KAT6B: variants seen among roughly 807,000 people sequenced by gnomAD.
KAT6B encodes the protein histone acetyltransferase KAT6B.
KAT6B carries 10 observed loss-of-function variants against 187.5 expected under a neutral mutation model. The ratio of observed to expected loss-of-function variants is 0.05; its 90% CI spans 0.03 to 0.09. The LOEUF (loss-of-function observed/expected upper bound fraction) is 0.09. Among genes scored for constraint, KAT6B ranks in the 10% least tolerant of loss-of-function variants. The pLI, the probability that KAT6B is intolerant of heterozygous loss-of-function variation, is 1.00. For missense variants in KAT6B, 1,952 were observed against 2,558.9 expected (o/e 0.76, Z 5.12); for synonymous variants, 861 against 926.8 (o/e 0.93, Z 1.29).
intron 3 of KAT6B, among the ~76,000 whole-genome samples, chr10:74,905,363 A>T (rs910499784): frequency 6.6e-6 from 1 of 152,160 alleles, no homozygotes; most frequent in East Asian, 1.9e-4. Context: ...TAATAAGTAG[A>T]AAGTGTTCTC....
intron 3 of KAT6B, among the ~76,000 whole-genome samples, chr10:74,944,909 A>G (rs1165537732): frequency 6.6e-6 from 1 of 152,046 alleles, no homozygotes; most frequent in Admixed American, 6.6e-5. Context: ...TGATAATACC[A>G]TACCAAGTGC....
intron 16 of KAT6B, among the ~76,000 whole-genome samples, chr10:75,023,053 A>G (rs1036808094): frequency 2.6e-5 from 4 of 152,232 alleles, no homozygotes; most frequent in African/African-American, 7.2e-5. Context: ...TTTGTGGCCA[A>G]CTGCGCATTA....
intron 13 of KAT6B, among the ~76,000 whole-genome samples, chr10:75,001,453 T>G (rs1476136405): frequency 6.6e-6 from 1 of 151,328 alleles, no homozygotes; most frequent in Non-Finnish European, 1.5e-5. Flanking sequence ...CCCAGGGGGG[T>G]ATCATGTCAG....
chr10:74,913,732 A>C (rs1014183269), intron 3 of KAT6B, among the ~76,000 whole-genome samples: 9 of 152,246 alleles, frequency 5.9e-5, no homozygotes, highest in African/African-American at 2.2e-4. Flanking sequence ...CCCACGGTCC[A>C]CTAACAGATA....
chr10:74,954,956 T>G (rs916061856), intron 3 of KAT6B, among the ~76,000 whole-genome samples: 1 of 152,170 alleles, frequency 6.6e-6, no homozygotes, highest in Non-Finnish European at 1.5e-5. Context: ...AGACCTTGAT[T>G]TATAAATGTT....
At chr10:74,985,559 G>T (rs142990956) in intron 12 of KAT6B, among the ~76,000 whole-genome samples, 1 of 152,284 alleles carries the variant, frequency 6.6e-6, no homozygotes, top group East Asian at 1.9e-4. Context: ...CAACATGAAG[G>T]TTTCAGTTTA....
intron 3 of KAT6B, among the ~76,000 whole-genome samples, chr10:74,878,367 C>G (rs893387399): frequency 3.3e-5 from 5 of 152,054 alleles, no homozygotes; most frequent in Non-Finnish European, 7.4e-5. Context: ...GCTAATGTTG[C>G]GGGCTGACTG....
intron 3 of KAT6B, among the ~76,000 whole-genome samples, chr10:74,918,247 A>G (rs1381146844): frequency 6.6e-6 from 1 of 152,220 alleles, no homozygotes; most frequent in Admixed American, 6.5e-5. Flanking sequence ...GCACTGTTTG[A>G]GGTGAGAGAG....
intron 3 of KAT6B, among the ~76,000 whole-genome samples, chr10:74,887,456 C>G (rs1245299820): frequency 6.6e-6 from 1 of 152,172 alleles, no homozygotes; most frequent in Non-Finnish European, 1.5e-5. Context: ...TCCTGAGTAG[C>G]TGAGATTACA....
At chr10:75,016,932 C>T (rs990081513) in intron 13 of KAT6B, among the ~76,000 whole-genome samples, 1 of 143,554 alleles carries the variant, frequency 7.0e-6, no homozygotes, top group East Asian at 2.1e-4. Flanking sequence ...GGCATGATCT[C>T]GGCTCACTGC....
chr10:75,018,510 G>A (rs1039829336), intron 13 of KAT6B, among the ~76,000 whole-genome samples: 3 of 152,352 alleles, frequency 2.0e-5, no homozygotes, highest in Admixed American at 6.5e-5. Context: ...GCACCACTTC[G>A]GGGTGTGAAA....
At chr10:75,000,064 C>A (rs1439416953) in intron 13 of KAT6B, among the ~76,000 whole-genome samples, 1 of 151,522 alleles carries the variant, frequency 6.6e-6, no homozygotes, top group African/African-American at 2.4e-5. Context: ...CCCAGCTACT[C>A]AAGAGGCTGA....
chr10:74,944,831 A>G, intron 3 of KAT6B, among the ~76,000 whole-genome samples: 1 of 151,424 alleles, frequency 6.6e-6, no homozygotes, highest in Non-Finnish European at 1.5e-5. Context: ...AAAAAAAAAA[A>G]AAGGATATGC....
chr10:74,959,162 A>G (rs1324422983), intron 3 of KAT6B, among the ~76,000 whole-genome samples: 1 of 152,184 alleles, frequency 6.6e-6, no homozygotes, highest in Non-Finnish European at 1.5e-5. Flanking sequence ...AAGCCTTGTT[A>G]ATAATGACCT....
intron 9 of KAT6B, among the ~76,000 whole-genome samples, chr10:74,978,819 T>A (rs1842328083): frequency 6.6e-6 from 1 of 152,254 alleles, no homozygotes; most frequent in Non-Finnish European, 1.5e-5. Context: ...GCTTCTGTAA[T>A]AAATAAGCCT....
At chr10:74,892,598 A>G (rs1298607781) in intron 3 of KAT6B, among the ~76,000 whole-genome samples, 3 of 152,056 alleles carry the variant, frequency 2.0e-5, no homozygotes, top group Admixed American at 1.3e-4. Context: ...AGTTGCTTGC[A>G]AGGAACTCTT....
At chr10:75,008,672 T>C (rs748177253) in intron 13 of KAT6B, among the ~76,000 whole-genome samples, 1 of 152,222 alleles carries the variant, frequency 6.6e-6, no homozygotes, top group Non-Finnish European at 1.5e-5. Context: ...AGTTAAAAAC[T>C]TGTAGAACAT....
chr10:74,887,333 G>T (rs1564543632), intron 3 of KAT6B, among the ~76,000 whole-genome samples: 1 of 152,054 alleles, frequency 6.6e-6, no homozygotes, highest in Non-Finnish European at 1.5e-5. Flanking sequence ...TTTCGTCTCT[G>T]TTTTTTGTTT....
intron 3 of KAT6B, among the ~76,000 whole-genome samples, chr10:74,954,264 G>A (rs1820513266): frequency 6.6e-6 from 1 of 152,158 alleles, no homozygotes; most frequent in Non-Finnish European, 1.5e-5. Flanking sequence ...GCGATAGCTA[G>A]AATAATCAAA....
Sources: allele counts gnomAD v4.1 joint callset (sites outside exome capture counted in the v4.1 genomes callset), GRCh38; gene constraint gnomAD v4.1.1; transcripts MANE v1.5; gene names NCBI Gene and HGNC (gene_info 2026-07-23, HGNC 2026-07-21).